Variants in GBF1 observed in about 807,000 individuals in gnomAD.
GBF1 encodes Golgi-specific brefeldin A-resistance guanine nucleotide exchange factor 1.
In GBF1, 114 loss-of-function variants were observed where a neutral mutation model predicts 210.5. The ratio of observed to expected loss-of-function variants is 0.54; its 90% confidence interval spans 0.47 to 0.63. The LOEUF (loss-of-function observed/expected upper bound fraction) is 0.63. GBF1 is among the 30% of genes least tolerant of loss of function. GBF1 has a pLI of 0.00. For missense variants in GBF1, 1,851 were observed against 2,357.7 expected, an observed-to-expected ratio of 0.79 and a Z score of 4.45; for synonymous variants, 850 against 889.2, an observed-to-expected ratio of 0.96 and a Z score of 0.78.
At chr10:102,335,637 G>A (rs1419251116) in intron 3 of GBF1, among the ~76,000 whole-genome samples, 1 of 152,152 alleles carries the variant, frequency 6.6e-6, no homozygotes, top group East Asian at 1.9e-4. Context: ...TTTGATTCCT[G>A]TTTCCACTAC....
At chr10:102,244,518 T>G (rs1204861156), upstream of GBF1, among the ~76,000 whole-genome samples, 2 of 152,280 alleles carry the variant, frequency 1.3e-5, no homozygotes, top group East Asian at 3.9e-4. Flanking sequence ...AGGAGGCAGC[T>G]GGGGGCAAGA....
At chr10:102,379,796 G>A in intron 35 of GBF1, 57 bp from the exon 36 acceptor site, 2 of 1,507,106 alleles carry the variant, frequency 1.3e-6, no homozygotes, top group East Asian at 2.3e-5. Context: ...GGCTTCCTTG[G>A]GGCAAGGCTG....
chr10:102,342,250 G>A (rs2058237282), intron 3 of GBF1, among the ~76,000 whole-genome samples: 1 of 151,944 alleles, frequency 6.6e-6, no homozygotes, highest in Non-Finnish European at 1.5e-5. Context: ...TGTTAGCCAG[G>A]ATGGTCTCGA....
chr10:102,353,532 G>A, intron 7 of GBF1, 68 bp from the exon 8 acceptor site: 1 of 1,088,738 alleles, frequency 9.2e-7, no homozygotes, highest in South Asian at 1.2e-5. Flanking sequence ...CCTTTGGTTT[G>A]TGGCTGGCAT....
chr10:102,240,052 T>C, the GBF1 span, among the ~76,000 whole-genome samples: 8 of 152,230 alleles, frequency 5.3e-5, no homozygotes, highest in Admixed American at 5.2e-4. Flanking sequence ...ACCACAGGAT[T>C]TGCTTTGCTA....
At chr10:102,272,175 C>T (rs2074501218) in intron 3 of GBF1, among the ~76,000 whole-genome samples, 1 of 151,548 alleles carries the variant, frequency 6.6e-6, no homozygotes, top group African/African-American at 2.4e-5. Context: ...GGTGTGATCT[C>T]AGCTCACTGC....
At position 102,376,656 on chromosome 10, in the gene GBF1, T is replaced by C; in HGVS notation, c.4144T>C (p.Leu1382=). ...ATACAGCCTAACAGTGGGACTGGATTTGGGGCCACACGACACTAAGTCTCT... is the reference window on the plus strand; with the variant it reads ...ATACAGCCTAACAGTGGGACTGGATCTGGGGCCACACGACACTAAGTCTCT... The part of the protein sequence containing the change: ...NQYSLTVGLD[L]GPHDTKSLLK... The change falls in exon 32 of 40, where the codon TTG becomes CTG. Residue 1382 remains leucine (L), a synonymous_variant. Coordinates refer to ENST00000369983, the MANE Select transcript of GBF1 (RefSeq NM_001377137.1). 2 of 1,613,960 alleles carry C rather than the reference T, an allele frequency of 1.2e-6. No individual in the cohort carries two copies. The highest frequency in any genetic ancestry group is 1.7e-6 in the Non-Finnish European group (2 of 1,179,940).
At chr10:102,310,944 CTG>C (rs1397012604) in intron 3 of GBF1, among the ~76,000 whole-genome samples, 2 of 152,224 alleles carry the variant, frequency 1.3e-5, no homozygotes, top group Non-Finnish European at 2.9e-5. Context: ...GGCCCTGTTC[CTG>C]TGTACATGAT....
chr10:102,246,094 G>C (rs1025271324), intron 1 of GBF1, among the ~76,000 whole-genome samples: 1 of 152,204 alleles, frequency 6.6e-6, no homozygotes, highest in African/African-American at 2.4e-5. Context: ...GCATCCTGAA[G>C]AGCCCAGTAC....
intron 4 of GBF1, among the ~76,000 whole-genome samples, chr10:102,344,741 A>G (rs1276452084): frequency 1.3e-5 from 2 of 151,978 alleles, no homozygotes; most frequent in African/African-American, 2.4e-5. Flanking sequence ...TGGCCTCCCA[A>G]AGTGCTGGGA....
At chr10:102,350,806 G>A (rs553670037) in intron 4 of GBF1, among the ~76,000 whole-genome samples, 1 of 152,024 alleles carries the variant, frequency 6.6e-6, no homozygotes, top group East Asian at 1.9e-4. Context: ...TTATGGGGCC[G>A]GGTGCAGTGG....
rs766672995 is a variant in GBF1 at position 102,365,479 on chromosome 10, TCCCA to T, written c.2190_2193del (p.Pro731TrpfsTer20). On this transcript the variant is annotated frameshift_variant, in exon 18 of 40. Coordinates refer to ENST00000369983, the MANE Select transcript of GBF1 (RefSeq NM_001377137.1). LOFTEE classifies it high-confidence loss of function. ...CTGCAAGAGAAAGGCCTCCTCACCA[TCCCA>T]ATGGACAACACAGAGGTTGCTCAGT... 1 of 1,613,892 alleles carries T rather than the reference TCCCA, an allele frequency of 6.2e-7. No individual in the cohort carries two copies. Among genetic ancestry groups the T allele is most frequent in the Non-Finnish European group, 8.5e-7 (1 of 1,179,794 alleles).
At position 102,370,163 on chromosome 10, in the gene GBF1, GC is replaced by G; in HGVS notation, c.3340-8del. ...TTGTCAAAGACCCCCTCTCTCTTTT[GC>G]CCTCTCTAGCAATGTGACCCAGAAA... is the stretch of plus-strand genomic sequence containing the variant. On this transcript the variant is annotated splice_polypyrimidine_tract_variant and intron_variant, in intron 26 of 39. Coordinates refer to ENST00000369983, the MANE Select transcript of GBF1 (RefSeq NM_001377137.1). 1 of 1,604,876 alleles carries G rather than the reference GC, an allele frequency of 6.2e-7. No homozygotes were observed.
At chr10:102,277,671 A>C (rs1353859091) in intron 3 of GBF1, among the ~76,000 whole-genome samples, 2 of 152,138 alleles carry the variant, frequency 1.3e-5, no homozygotes, top group Admixed American at 1.3e-4. Flanking sequence ...GAGCCACCGC[A>C]CCCAGCCTAT....
chr10:102,359,662 A>G (rs560958194), intron 11 of GBF1, among the ~76,000 whole-genome samples: 16 of 152,198 alleles, frequency 1.1e-4, no homozygotes, highest in African/African-American at 3.9e-4. Flanking sequence ...AGGAAGCAAG[A>G]AGGAAGGGAA....
At chr10:102,287,329 CTTTT>C (rs2076034683) in intron 3 of GBF1, among the ~76,000 whole-genome samples, 1 of 98,372 alleles carries the variant, frequency 1.0e-5, no homozygotes. Context: ...CACACAGTTT[CTTTT>C]ATTTTATTTT....
At chr10:102,248,641 A>G (rs2071131068) in intron 1 of GBF1, among the ~76,000 whole-genome samples, 1 of 151,388 alleles carries the variant, frequency 6.6e-6, no homozygotes, top group Non-Finnish European at 1.5e-5. Flanking sequence ...TTTAATTTTA[A>G]TTTCTTTTTA....
At chr10:102,349,756 A>G (rs926038544) in intron 4 of GBF1, among the ~76,000 whole-genome samples, 2 of 152,164 alleles carry the variant, frequency 1.3e-5, no homozygotes, top group Non-Finnish European at 2.9e-5. Context: ...GGCAGGAGCT[A>G]GGCAAGACCC....
At chr10:102,319,662 C>G (rs1035745314) in intron 3 of GBF1, among the ~76,000 whole-genome samples, 1 of 151,636 alleles carries the variant, frequency 6.6e-6, no homozygotes, top group Non-Finnish European at 1.5e-5. Context: ...CTTCAGTTTT[C>G]TCTAGATCTC....
Sources: allele counts gnomAD v4.1 joint callset (sites outside exome capture counted in the v4.1 genomes callset), GRCh38; gene constraint gnomAD v4.1.1; transcripts MANE v1.5; gene names NCBI Gene and HGNC (gene_info 2026-07-23, HGNC 2026-07-21).